The following CCDC7 variants were observed in gnomAD, a reference collection of about 807,000 sequenced individuals.
CCDC7 encodes the protein coiled-coil domain containing 7.
In CCDC7, 183 loss-of-function variants were observed where a neutral mutation model predicts 196.9. The ratio of observed to expected loss-of-function variants is 0.93; its 90% CI spans 0.82 to 1.05. The LOEUF is 1.05. Among genes scored for constraint, CCDC7 ranks in the 50% least tolerant of loss-of-function variants. The pLI is 0.00. For missense variants in CCDC7, 1,540 were observed against 1,482.2 expected, an observed-to-expected ratio of 1.04 and a Z score of -0.64; for synonymous variants, 525 against 484.6, an observed-to-expected ratio of 1.08 and a Z score of -1.10.
intron 22 of CCDC7, among the ~76,000 whole-genome samples, chr10:32,686,301 A>G (rs2076458966): frequency 6.6e-6 from 1 of 152,208 alleles, no homozygotes; most frequent in Non-Finnish European, 1.5e-5. Flanking sequence ...TGTGCTCAGT[A>G]TTCACCAAGG....
At chr10:32,560,580 A>G (rs1198278754) in intron 13 of CCDC7, among the ~76,000 whole-genome samples, 1 of 152,262 alleles carries the variant, frequency 6.6e-6, no homozygotes, top group African/African-American at 2.4e-5. Context: ...TAAGCTTCAT[A>G]AGTGAAGGAG....
At chr10:32,583,197 T>G in exon 17 of CCDC7, 4 of 1,231,532 alleles carry the variant, frequency 3.2e-6, no homozygotes, top group Non-Finnish European at 4.1e-6. Flanking sequence ...TACAACAGTA[T>G]CATCCAGCAA....
Position 32,596,740 on chromosome 10 carries a change from G to A in CCDC7, c.1801+12436G>A, listed in dbSNP as rs147380789. Reference sequence around the variant, plus strand: ...GGCGTTGTGATAACAAAATCTCTCCGCATTTGTTTGTCTGTAAAGTATTTT... The same window carrying A: ...GGCGTTGTGATAACAAAATCTCTCCACATTTGTTTGTCTGTAAAGTATTTT... On this transcript the variant is annotated intron_variant, in intron 18 of 41. Coordinates refer to ENST00000639629, the Ensembl canonical transcript of CCDC7. 1.4e-4 allele frequency among the ~76,000 whole-genome samples: 22 copies of A among 152,170 alleles called. No homozygotes were observed. In the East Asian group the frequency reaches 2.7e-3, roughly 19 times the overall value.
intron 11 of CCDC7, among the ~76,000 whole-genome samples, chr10:32,523,583 C>T (rs2048205641): frequency 6.6e-6 from 1 of 151,664 alleles, no homozygotes; most frequent in Non-Finnish European, 1.5e-5. Context: ...GTTTAAGTCT[C>T]CAGCTATTAT....
At position 32,824,553 on chromosome 10, in the gene CCDC7, G is replaced by A. The variant is rs141211370; in HGVS notation, c.3217G>A (p.Gly1073Ser). ...ACGATTGCATAGTACAACTGAGAGA[G>A]GTACAATAAATGATGCAATTAAGAC... The change falls in exon 32 of 42, where the codon GGT becomes AGT. Residue 1073 changes from glycine (G) to serine (S), a missense_variant. Gly to Ser is a moderately conservative substitution (Grantham distance 56). Transcript: ENST00000639629. 16 of 1,611,766 alleles carry A rather than the reference G, an allele frequency of 9.9e-6. No homozygotes were observed. The Admixed American group carries it at 2.2e-4, about 22-fold the overall frequency.
At chr10:32,579,032 T>C (rs1230827443) in intron 16 of CCDC7, among the ~76,000 whole-genome samples, 1 of 152,200 alleles carries the variant, frequency 6.6e-6, no homozygotes. Context: ...GTAACAGGAA[T>C]TAAAACATTC....
At chr10:32,618,954 A>G (rs1339215834) in intron 18 of CCDC7, among the ~76,000 whole-genome samples, 1 of 122,002 alleles carries the variant, frequency 8.2e-6, no homozygotes, top group Non-Finnish European at 1.8e-5. Context: ...TTTTATCTTT[A>G]TTTTTATCTG....
chr10:32,777,280 A>T (rs951059806), intron 28 of CCDC7, among the ~76,000 whole-genome samples: 2 of 152,190 alleles, frequency 1.3e-5, no homozygotes, highest in African/African-American at 4.8e-5. Flanking sequence ...CCAGTTCACC[A>T]TTGATGAGCA....
At chr10:32,570,906 A>G (rs2057456797) in intron 15 of CCDC7, among the ~76,000 whole-genome samples, 1 of 152,210 alleles carries the variant, frequency 6.6e-6, no homozygotes, top group Non-Finnish European at 1.5e-5. Flanking sequence ...AATCAGGTCC[A>G]GAATAAAACC....
rs991964325 is a variant in CCDC7 at position 32,493,086 on chromosome 10, A to C, written c.872+1089A>C. On this transcript the variant is annotated intron_variant, in intron 9 of 41. Coordinates refer to ENST00000639629, the Ensembl canonical transcript of CCDC7. ...CATACATATCTTTTTTTTTCTGGTG[A>C]AAACACTTAAAAACTACTCTCTAGA... Among the ~76,000 whole-genome samples the C allele has an allele frequency of 5.3e-5, 8 of 151,840 alleles. No individual in the cohort carries two copies. The South Asian group carries it at 1.7e-3, about 31-fold the overall frequency.
intron 29 of CCDC7, among the ~76,000 whole-genome samples, chr10:32,784,497 G>C (rs948779025): frequency 1.3e-5 from 2 of 152,166 alleles, no homozygotes; most frequent in Non-Finnish European, 2.9e-5. Flanking sequence ...CTGTTCCTGC[G>C]TTAGTTTGGT....
chr10:32,537,189 G>C (rs1324429135), intron 11 of CCDC7, among the ~76,000 whole-genome samples: 1 of 151,922 alleles, frequency 6.6e-6, no homozygotes. Flanking sequence ...TTAATAATTG[G>C]CATTCTGACT....
At chr10:32,595,635 A>T (rs1033798678) in intron 18 of CCDC7, among the ~76,000 whole-genome samples, 1 of 152,144 alleles carries the variant, frequency 6.6e-6, no homozygotes, top group Non-Finnish European at 1.5e-5. Flanking sequence ...TTGTGATGTT[A>T]GGGTGTCCAT....
intron 30 of CCDC7, among the ~76,000 whole-genome samples, chr10:32,812,012 ATTCCT>A (rs953739164): frequency 8.5e-5 from 13 of 152,126 alleles, no homozygotes; most frequent in African/African-American, 2.9e-4. Context: ...AAAATTCAAC[ATTCCT>A]TCATGATAAA....
chr10:32,742,765 C>T (rs561920016), intron 28 of CCDC7, among the ~76,000 whole-genome samples: 9 of 152,086 alleles, frequency 5.9e-5, no homozygotes, highest in Admixed American at 5.2e-4. Flanking sequence ...CTCACTGTAC[C>T]TTCATGTAGT....
chr10:32,819,769 T>G (rs2089752759), intron 31 of CCDC7, among the ~76,000 whole-genome samples: 1 of 152,124 alleles, frequency 6.6e-6, no homozygotes, highest in Admixed American at 6.5e-5. Context: ...TTCAACAACC[T>G]TCATGCTAAA....
At chr10:32,639,061 G>T (rs974289058) in intron 20 of CCDC7, among the ~76,000 whole-genome samples, 1 of 152,062 alleles carries the variant, frequency 6.6e-6, no homozygotes, top group Non-Finnish European at 1.5e-5. Context: ...GTATTTCTGT[G>T]GGATCGCTGG....
chr10:32,789,132 A>G (rs2082305971), intron 29 of CCDC7, among the ~76,000 whole-genome samples: 1 of 151,064 alleles, frequency 6.6e-6, no homozygotes, highest in South Asian at 2.1e-4. Flanking sequence ...CAGTTTGTAA[A>G]GACTGGAATA....
chr10:32,869,386 C>T (rs1248383806), intron 41 of CCDC7, among the ~76,000 whole-genome samples: 1 of 152,110 alleles, frequency 6.6e-6, no homozygotes, highest in East Asian at 1.9e-4. Context: ...AGTGTCTGTT[C>T]ATATCCTTCA....
Sources: allele counts gnomAD v4.1 joint callset (sites outside exome capture counted in the v4.1 genomes callset), GRCh38; gene constraint gnomAD v4.1.1; transcripts MANE v1.5; gene names NCBI Gene and HGNC (gene_info 2026-07-23, HGNC 2026-07-21).